The following FAM120B variants were observed in gnomAD, a reference collection of about 807,000 sequenced individuals.
The protein encoded by FAM120B is family with sequence similarity 120 member B, also known as constitutive coactivator of peroxisome proliferator-activated receptor gamma.
In FAM120B, 83 loss-of-function variants were observed where a neutral mutation model predicts 96.3. That is an observed-to-expected ratio of 0.86 (90% CI 0.72 to 1.03). The LOEUF (loss-of-function observed/expected upper bound fraction) is 1.03, where lower values mean the gene tolerates loss of function less well. Among genes scored for constraint, FAM120B ranks in the 50% least tolerant of loss-of-function variants. The pLI is 0.00. For synonymous variants in FAM120B, 407 were observed against 402.7 expected (o/e 1.01, Z -0.13); for missense variants, 1,027 against 1,121.2 (o/e 0.92, Z 1.20).
chr6:170,397,547 G>A (rs1256231886), intron 9 of FAM120B, among the ~76,000 whole-genome samples: 1 of 152,136 alleles, frequency 6.6e-6, no homozygotes, highest in Non-Finnish European at 1.5e-5. Flanking sequence ...GGTGATTGCA[G>A]CAGGTGGTGA....
In FAM120B at chr6:170,370,695, G is replaced by T. The variant is rs567179225; in HGVS notation, c.2283+12377G>T. Among the ~76,000 whole-genome samples, 4 of 152,098 alleles carry T rather than the reference G, an allele frequency of 2.6e-5. No homozygotes were observed. Among genetic ancestry groups the T allele is most frequent in the Admixed American group, 2.6e-4 (4 of 15,266 alleles). On this transcript the variant is annotated intron_variant, in intron 6 of 10. Transcript: ENST00000476287. This position sits in a 1 kb window ranked among gnomAD's most constrained non-coding sequence, Gnocchi z 4.3. ...TCAGCAGTTCAGATATTACCTCACC[G>T]CATTTCTTATAAAGATTCGCCTTCT...
chr6:170,362,374 G>A (rs140132182), intron 6 of FAM120B, among the ~76,000 whole-genome samples: 2 of 152,314 alleles, frequency 1.3e-5, no homozygotes, highest in East Asian at 3.9e-4. Flanking sequence ...TCCTGGTTCA[G>A]GCTTCTGTCT....
rs546497482 is a variant in FAM120B, at chr6:170,393,867, G to A, written c.2600-1620G>A. Among the ~76,000 whole-genome samples, 59 of 152,182 alleles carry A rather than the reference G, an allele frequency of 3.9e-4. 1 individual carries two copies. The South Asian group carries it at 9.9e-3, about 26-fold the overall frequency. ...GTAGGGCCCTGCAGTCCTGACTGCC[G>A]TTGTCTGCTTCCACGGGCCGCACAG... On this transcript the variant is annotated intron_variant, in intron 8 of 10. Transcript: ENST00000476287.
intron 1 of FAM120B, among the ~76,000 whole-genome samples, chr6:170,312,103 T>G (rs573079651): frequency 9.2e-4 from 140 of 152,304 alleles, no homozygotes; most frequent in South Asian, 5.6e-3. Context: ...GGGAATATAT[T>G]TATAACAAAT....
chr6:170,351,777 C>A (rs1013684692), intron 5 of FAM120B, among the ~76,000 whole-genome samples: 11 of 152,208 alleles, frequency 7.2e-5, no homozygotes, highest in Non-Finnish European at 1.5e-4. Flanking sequence ...CTTGCAAGAG[C>A]TCTTGAAGGA....
At chr6:170,401,320 A>G (rs532309118) in intron 9 of FAM120B, among the ~76,000 whole-genome samples, 2 of 152,272 alleles carry the variant, frequency 1.3e-5, no homozygotes, top group Non-Finnish European at 2.9e-5. Flanking sequence ...GGGGTCTCCA[A>G]GTGGCATTCA....
chr6:170,302,098 A>G (rs999917565), upstream of FAM120B, among the ~76,000 whole-genome samples: 4 of 152,214 alleles, frequency 2.6e-5, no homozygotes, highest in African/African-American at 9.7e-5. Context: ...TAATAAAGAC[A>G]TACCTGAGAC....
chr6:170,297,160 G>GC (rs991520491), intron 1 of FAM120B, among the ~76,000 whole-genome samples: 2 of 152,340 alleles, frequency 1.3e-5, no homozygotes, highest in African/African-American at 4.8e-5. Flanking sequence ...GGCCTGTCTG[G>GC]CTGCAGGGTT....
At chr6:170,395,370 TGA>T (rs1790673881) in intron 8 of FAM120B, 115 bp from the exon 9 acceptor site, 1 of 806,350 alleles carries the variant, frequency 1.2e-6, no homozygotes, top group Non-Finnish European at 2.1e-6. Context: ...ACCCTCCCTC[TGA>T]TTTAAGTACG....
At chr6:170,371,485 G>C in intron 6 of FAM120B, among the ~76,000 whole-genome samples, 1 of 152,176 alleles carries the variant, frequency 6.6e-6, no homozygotes, top group Non-Finnish European at 1.5e-5. Context: ...TCGGATGTTA[G>C]TAACTAAAGC....
chr6:170,379,284 T>C (rs1208448299), intron 6 of FAM120B, among the ~76,000 whole-genome samples: 1 of 152,246 alleles, frequency 6.6e-6, no homozygotes, highest in African/African-American at 2.4e-5. Flanking sequence ...TGTGATTTTG[T>C]TACCAATAGA....
At chr6:170,397,824 G>C (rs1778261577) in intron 9 of FAM120B, among the ~76,000 whole-genome samples, 1 of 152,198 alleles carries the variant, frequency 6.6e-6, no homozygotes, top group Non-Finnish European at 1.5e-5. Flanking sequence ...CTCTAGGTGA[G>C]GATTCAGCAG....
chr6:170,375,552 T>C (rs1789458662), intron 6 of FAM120B, among the ~76,000 whole-genome samples: 1 of 152,244 alleles, frequency 6.6e-6, no homozygotes, highest in South Asian at 2.1e-4. Flanking sequence ...TTCCACTCAT[T>C]CATTAATTGA....
Position 170,358,327 on chromosome 6 carries a change from G to A in FAM120B, c.2283+9G>A, listed in dbSNP as rs369683119. ...AGCTTGTAAATCTACAGGTACAGACGTGACCAGTTAGTTGTCACTGCCCGG... is the reference window on the plus strand; with the variant it reads ...AGCTTGTAAATCTACAGGTACAGACATGACCAGTTAGTTGTCACTGCCCGG... On this transcript the variant is annotated intron_variant, in intron 6 of 10. Coordinates refer to ENST00000476287, the MANE Select transcript of FAM120B (RefSeq NM_032448.3). The A allele has an allele frequency of 9.5e-6, 15 of 1,583,432 alleles. No individual in the cohort carries two copies. Among genetic ancestry groups the A allele is most frequent in the African/African-American group, 5.4e-5 (4 of 74,542 alleles).
chr6:170,292,231 TTTTGTTTTCA>T (rs745698279), upstream of FAM120B, among the ~76,000 whole-genome samples: 106 of 152,282 alleles, frequency 7.0e-4, no homozygotes, highest in Middle Eastern at 6.8e-3. This position sits in a 1 kb window ranked among gnomAD's most constrained non-coding sequence, Gnocchi z 6.6. Context: ...ACACTAGAAC[TTTTGTTTTCA>T]TTTTTTAAAG....
chr6:170,396,308 G>T (rs1302089709), intron 9 of FAM120B, among the ~76,000 whole-genome samples: 1 of 152,114 alleles, frequency 6.6e-6, no homozygotes, highest in East Asian at 1.9e-4. Flanking sequence ...TTGACCTTTG[G>T]GGTCTGTCTC....
intron 6 of FAM120B, among the ~76,000 whole-genome samples, chr6:170,378,368 G>A (rs1224664477): frequency 6.6e-6 from 1 of 152,140 alleles, no homozygotes; most frequent in Non-Finnish European, 1.5e-5. Flanking sequence ...GTGGACACCT[G>A]GCACACACCC....
At chr6:170,314,558 T>C (rs1312350639) in intron 1 of FAM120B, among the ~76,000 whole-genome samples, 2 of 152,232 alleles carry the variant, frequency 1.3e-5, no homozygotes, top group African/African-American at 4.8e-5. Context: ...GAAAATTTCT[T>C]ATATAATTTG....
At chr6:170,307,747 A>G (rs1005551483) in intron 1 of FAM120B, among the ~76,000 whole-genome samples, 2 of 152,172 alleles carry the variant, frequency 1.3e-5, no homozygotes, top group African/African-American at 4.8e-5. Context: ...AGTCTGGCAG[A>G]TATAGGGGTG....
Sources: allele counts gnomAD v4.1 joint callset (sites outside exome capture counted in the v4.1 genomes callset), GRCh38; gene constraint gnomAD v4.1.1; non-coding constraint Gnocchi (gnomAD v3.1); transcripts MANE v1.5; gene names NCBI Gene and HGNC (gene_info 2026-07-23, HGNC 2026-07-21).